Variants in NRG1 observed in about 807,000 individuals in gnomAD.
NRG1 encodes pro-neuregulin-1, membrane-bound isoform.
Under a neutral mutation model 63.8 loss-of-function variants are expected in NRG1, and 18 were observed. The ratio of observed to expected loss-of-function variants is 0.28; its 90% CI spans 0.19 to 0.42. The LOEUF (loss-of-function observed/expected upper bound fraction) is 0.42, where lower values mean the gene tolerates loss of function less well. Among genes scored for constraint, NRG1 ranks in the 10% least tolerant of loss-of-function variants. NRG1 has a pLI of 1.00. For missense variants in NRG1, 762 were observed against 814.7 expected (o/e 0.94, Z 0.79); for synonymous variants, 302 against 301.3 (o/e 1.00, Z -0.02).
At chr8:32,754,595 A>AG (rs1240079209) in intron 8 of NRG1, 121 bp downstream of exon 8, 2 of 841,208 alleles carry the variant, frequency 2.4e-6, no homozygotes, top group African/African-American at 1.7e-5. Context: ...AAGGAGGGGC[A>AG]GGGGGAGATT....
intron 1 of NRG1, among the ~76,000 whole-genome samples, chr8:32,182,593 G>A (rs1271557344): frequency 6.6e-6 from 1 of 152,098 alleles, no homozygotes; most frequent in Non-Finnish European, 1.5e-5. Flanking sequence ...TGGTGTGGTC[G>A]ATCAAGAATC....
At chr8:32,214,424 C>T (rs922950048) in intron 1 of NRG1, among the ~76,000 whole-genome samples, 4 of 152,298 alleles carry the variant, frequency 2.6e-5, no homozygotes, top group East Asian at 1.9e-4. Context: ...ATTTAATTCT[C>T]ATCTAACTGG....
chr8:32,160,357 G>A (rs1312505033), intron 1 of NRG1, among the ~76,000 whole-genome samples: 1 of 152,176 alleles, frequency 6.6e-6, no homozygotes, highest in Non-Finnish European at 1.5e-5. Flanking sequence ...ACTAAATGCT[G>A]CCCCAGAGAT....
chr8:32,131,266 A>T (rs1207495369), intron 1 of NRG1, among the ~76,000 whole-genome samples: 1 of 152,040 alleles, frequency 6.6e-6, no homozygotes, highest in Non-Finnish European at 1.5e-5. Context: ...TTTCAGAGGA[A>T]TATGTAAGTG....
chr8:32,345,095 C>T (rs1185705942), intron 1 of NRG1, among the ~76,000 whole-genome samples: 2 of 152,180 alleles, frequency 1.3e-5, no homozygotes, highest in Non-Finnish European at 2.9e-5. Flanking sequence ...ATCATTTCTG[C>T]TGACATCTAT....
chr8:32,759,056 C>T (rs932821128), intron 9 of NRG1, among the ~76,000 whole-genome samples: 3 of 151,558 alleles, frequency 2.0e-5, no homozygotes, highest in Non-Finnish European at 2.9e-5. Context: ...AATGATGGGC[C>T]GTACATTGGA....
intron 1 of NRG1, among the ~76,000 whole-genome samples, chr8:32,327,740 AG>A (rs1802177565): frequency 6.6e-6 from 1 of 152,204 alleles, no homozygotes; most frequent in South Asian, 2.1e-4. Context: ...ACCATATTGG[AG>A]ACCTTTATAA....
intron 1 of NRG1, among the ~76,000 whole-genome samples, chr8:32,428,724 T>C (rs955150544): frequency 6.6e-6 from 1 of 152,162 alleles, no homozygotes; most frequent in Non-Finnish European, 1.5e-5. Context: ...TAATTCCCGG[T>C]TATTGCATCA....
intron 1 of NRG1, among the ~76,000 whole-genome samples, chr8:31,902,865 A>G (rs1322668235): frequency 6.6e-6 from 1 of 152,194 alleles, no homozygotes; most frequent in Non-Finnish European, 1.5e-5. Context: ...ATTGGGAGGT[A>G]TGGACCAGTT....
At chr8:32,194,311 A>G (rs1842767487) in intron 1 of NRG1, among the ~76,000 whole-genome samples, 1 of 152,222 alleles carries the variant, frequency 6.6e-6, no homozygotes, top group Non-Finnish European at 1.5e-5. Flanking sequence ...AACCGCGGAT[A>G]AAATGCATGC....
chr8:31,934,929 G>A (rs1835176660), intron 1 of NRG1, among the ~76,000 whole-genome samples: 1 of 152,032 alleles, frequency 6.6e-6, no homozygotes, highest in Admixed American at 6.6e-5. Flanking sequence ...ATCTTGACAA[G>A]GTAGCACAGT....
intron 1 of NRG1, among the ~76,000 whole-genome samples, chr8:32,581,865 C>G (rs1840702821): frequency 6.6e-6 from 1 of 152,078 alleles, no homozygotes; most frequent in Admixed American, 6.5e-5. Flanking sequence ...TGGTACAATA[C>G]TATTAGCTAA....
intron 5 of NRG1, among the ~76,000 whole-genome samples, chr8:32,689,339 A>G (rs1810997306): frequency 6.6e-6 from 1 of 151,844 alleles, no homozygotes; most frequent in South Asian, 2.1e-4. Context: ...TTGTTTCTTC[A>G]TAAATGTGAC....
intron 1 of NRG1, among the ~76,000 whole-genome samples, chr8:32,373,219 G>A (rs1370535156): frequency 3.9e-5 from 6 of 152,028 alleles, no homozygotes; most frequent in Non-Finnish European, 8.8e-5. Flanking sequence ...TTTTAAAAAG[G>A]CATATATCCA....
chr8:32,511,377 A>ATG (rs1829195064), intron 1 of NRG1, among the ~76,000 whole-genome samples: 1 of 119,534 alleles, frequency 8.4e-6, no homozygotes, highest in Non-Finnish European at 1.9e-5. Context: ...GTATATATAT[A>ATG]TATATATATA....
chr8:32,717,598 G>A (rs905520013), intron 5 of NRG1, among the ~76,000 whole-genome samples: 14 of 152,220 alleles, frequency 9.2e-5, no homozygotes, highest in African/African-American at 3.1e-4. Context: ...GTTGCTTTCC[G>A]TGCAGCAATT....
At chr8:31,791,210 AAAAAAAAAAAG>A (rs1444139757) in intron 1 of NRG1, among the ~76,000 whole-genome samples, 1 of 151,572 alleles carries the variant, frequency 6.6e-6, no homozygotes, top group Non-Finnish European at 1.5e-5. Flanking sequence ...TGTGCCAAAA[AAAAAAAAAAAG>A]AAAGAAAAAA....
intron 1 of NRG1, among the ~76,000 whole-genome samples, chr8:32,307,954 T>C (rs1856402996): frequency 6.6e-6 from 1 of 152,142 alleles, no homozygotes; most frequent in South Asian, 2.1e-4. Flanking sequence ...TGTTCATAGA[T>C]AGATGAGGGT....
intron 1 of NRG1, among the ~76,000 whole-genome samples, chr8:31,678,302 A>G (rs1468346496): frequency 6.6e-6 from 1 of 152,094 alleles, no homozygotes; most frequent in Non-Finnish European, 1.5e-5. Flanking sequence ...GTAATTCATA[A>G]TTCACAGTAG....
Sources: allele counts gnomAD v4.1 joint callset (sites outside exome capture counted in the v4.1 genomes callset), GRCh38; gene constraint gnomAD v4.1.1; transcripts MANE v1.5; gene names NCBI Gene and HGNC (gene_info 2026-07-23, HGNC 2026-07-21).